Variants in SLCO5A1 observed in about 807,000 individuals in gnomAD.
The protein encoded by SLCO5A1 is solute carrier organic anion transporter family member 5A1.
SLCO5A1 carries 39 observed loss-of-function variants against 65.1 expected under a neutral mutation model. The ratio of observed to expected loss-of-function variants is 0.60; its 90% CI spans 0.46 to 0.78. The LOEUF is 0.78. Ranked by LOEUF, SLCO5A1 falls within the 30% of genes least tolerant of loss-of-function variation. The pLI is 0.00. For synonymous variants in SLCO5A1, 438 were observed against 415.7 expected (o/e 1.05, Z -0.65); for missense variants, 1,029 against 1,069.4 (o/e 0.96, Z 0.53).
chr8:69,710,035 T>TTTTTC (rs1815158388), intron 5 of SLCO5A1, among the ~76,000 whole-genome samples: 1 of 151,152 alleles, frequency 6.6e-6, no homozygotes. Context: ...TTTTTTTTTT[T>TTTTTC]TAGACAGAGT....
At position 69,673,085 on chromosome 8, in the gene SLCO5A1, C is replaced by G. The variant is rs1411429876; in HGVS notation, c.2331G>C (p.Leu777=). 3.7e-6 allele frequency: 6 copies of G among 1,614,112 alleles called. 1 individual carries two copies. The East Asian group carries it at 6.7e-5, about 18-fold the overall frequency. Residue 777 remains leucine (L), a synonymous_variant, in exon 10 of 10, where the codon CTG becomes CTC. Transcript: ENST00000260126. The stretch of plus-strand genomic sequence containing the variant: ...GTCCCACTCTCTCACTCACGGTGCT[C>G]AGGGGAAATTCTCTCTGCCTCCGCC... ...LQRRRQREFP[L]STVSERVGHP...
chr8:69,785,482 A>C (rs1412987962), intron 2 of SLCO5A1, among the ~76,000 whole-genome samples: 2 of 152,186 alleles, frequency 1.3e-5, no homozygotes, highest in Admixed American at 1.3e-4. Context: ...ACTTCAGGAG[A>C]CAGAAAAGGA....
chr8:69,786,537 G>C (rs2130888373), intron 2 of SLCO5A1, among the ~76,000 whole-genome samples: 1 of 152,314 alleles, frequency 6.6e-6, no homozygotes, highest in Middle Eastern at 3.4e-3. Flanking sequence ...CATCTTAGCA[G>C]CTCATCTAAT....
In SLCO5A1 at chr8:69,672,759, T is replaced by G; in HGVS notation, c.*110A>C. The G allele has an allele frequency of 8.4e-7, 1 of 1,195,642 alleles. No homozygotes were observed. The highest frequency in any genetic ancestry group is 2.5e-5 in the East Asian group (1 of 39,680). The allele number at this position is 1,195,642 out of a possible 1,614,324, so 74.1% of individuals were successfully genotyped here. ...ATACTGAGTTTTGTTGGTTTGAGGATTGTGTCTGTAGAGGTTAAAAAAAAG... is the reference window on the plus strand; with the variant it reads ...ATACTGAGTTTTGTTGGTTTGAGGAGTGTGTCTGTAGAGGTTAAAAAAAAG... On this transcript the variant is annotated 3_prime_UTR_variant, in exon 10 of 10. Transcript: ENST00000260126.
intron 2 of SLCO5A1, among the ~76,000 whole-genome samples, chr8:69,830,484 C>T (rs748816103): frequency 6.6e-6 from 1 of 152,138 alleles, no homozygotes; most frequent in Non-Finnish European, 1.5e-5. Flanking sequence ...CACACCACCA[C>T]ACCCAGCTTC....
chr8:69,720,289 C>T (rs2933029), intron 5 of SLCO5A1, among the ~76,000 whole-genome samples: 10 of 152,222 alleles, frequency 6.6e-5, no homozygotes, highest in South Asian at 2.1e-4. Context: ...GTAGCAAGTG[C>T]GAATGTAATG....
chr8:69,767,889 CAAAA>C (rs746004982), intron 2 of SLCO5A1, among the ~76,000 whole-genome samples: 1 of 35,046 alleles, frequency 2.9e-5, no homozygotes, highest in Non-Finnish European at 5.5e-5. Flanking sequence ...GACTCCATCT[CAAAA>C]AAAAAAAAAA....
intron 2 of SLCO5A1, among the ~76,000 whole-genome samples, chr8:69,790,125 G>A (rs957389304): frequency 1.3e-4 from 20 of 151,004 alleles, no homozygotes; most frequent in African/African-American, 2.9e-4. Context: ...CCCAGGAGGC[G>A]GGGTTGCAGT....
chr8:69,714,883 C>T (rs1387787339), intron 5 of SLCO5A1: 2 of 152,072 alleles, frequency 1.3e-5, no homozygotes, highest in Non-Finnish European at 2.9e-5. Flanking sequence ...ATATGAGAAC[C>T]CCAATCTCAG....
At chr8:69,757,486 C>A (rs1006425687) in intron 3 of SLCO5A1, among the ~76,000 whole-genome samples, 1 of 152,012 alleles carries the variant, frequency 6.6e-6, no homozygotes, top group Admixed American at 6.5e-5. Context: ...TAAGACCAGC[C>A]TGCCCAACAT....
At chr8:69,743,668 G>A (rs957337017) in intron 4 of SLCO5A1, among the ~76,000 whole-genome samples, 9 of 152,126 alleles carry the variant, frequency 5.9e-5, no homozygotes, top group African/African-American at 2.2e-4. Context: ...CACACTGCAA[G>A]ACCCATCCTC....
chr8:69,788,984 A>G (rs866652427), intron 2 of SLCO5A1, among the ~76,000 whole-genome samples: 3 of 152,312 alleles, frequency 2.0e-5, no homozygotes, highest in Middle Eastern at 3.4e-3. Context: ...TAAGGATACC[A>G]CACCCTGTGC....
intron 2 of SLCO5A1, among the ~76,000 whole-genome samples, chr8:69,784,916 AAGAAAG>A (rs1371418540): frequency 1.6e-5 from 2 of 121,564 alleles, no homozygotes; most frequent in African/African-American, 7.2e-5. Context: ...GAAAGAAAGA[AAGAAAG>A]AAAGAAAGAA....
chr8:69,735,528 A>T (rs540820413), intron 5 of SLCO5A1, among the ~76,000 whole-genome samples: 1 of 152,290 alleles, frequency 6.6e-6, no homozygotes, highest in Admixed American at 6.5e-5. Context: ...AGGGGCATGG[A>T]TGGAACTTGA....
intron 6 of SLCO5A1, among the ~76,000 whole-genome samples, chr8:69,701,080 G>A (rs1586700181): frequency 6.6e-6 from 1 of 152,086 alleles, no homozygotes; most frequent in Non-Finnish European, 1.5e-5. Context: ...TGTGGGCCCT[G>A]CACAGATGAC....
At position 69,673,344 on chromosome 8, in the gene SLCO5A1, A is replaced by T. The variant is rs1392686864; in HGVS notation, c.2090-18T>A. 1 of 1,592,380 alleles carries T rather than the reference A, an allele frequency of 6.3e-7. No individual in the cohort carries two copies. The highest frequency in any genetic ancestry group is 8.6e-7 in the Non-Finnish European group (1 of 1,163,318). On this transcript the variant is annotated intron_variant, in intron 9 of 9. Transcript: ENST00000260126. ...AATGTATGCTAGAGGGGTGGAGAAG[A>T]AGAAAATACGAAGACTTAGCACATC...
At chr8:69,784,811 AAAAG>A (rs56110450) in intron 2 of SLCO5A1, among the ~76,000 whole-genome samples, 7,845 of 71,042 alleles carry the variant, frequency 0.11, 572 homozygotes, top group Middle Eastern at 0.16. Context: ...GAAAGAAAGA[AAAAG>A]AAAGAAAGAA....
At chr8:69,714,902 GT>G (rs1815440572) in intron 5 of SLCO5A1, 1 of 152,182 alleles carries the variant, frequency 6.6e-6, no homozygotes, top group Non-Finnish European at 1.5e-5. Flanking sequence ...AGGATTCAAG[GT>G]CTGGGGATCA....
At chr8:69,722,956 C>G (rs750663915) in intron 5 of SLCO5A1, among the ~76,000 whole-genome samples, 12 of 152,206 alleles carry the variant, frequency 7.9e-5, no homozygotes, top group Non-Finnish European at 1.5e-4. Context: ...ATATATGAGA[C>G]TATAGTAAAT....
Sources: gnomAD v4.1 joint callset for allele counts (sites outside exome capture counted in the v4.1 genomes callset) on GRCh38, gnomAD v4.1.1 for gene constraint, MANE v1.5 for transcripts, NCBI Gene and HGNC (gene_info 2026-07-23, HGNC 2026-07-21) for gene names.